Variants in ELFN2 observed in about 807,000 individuals in gnomAD.
ELFN2 encodes the protein protein phosphatase 1 regulatory subunit 29.
Under a neutral mutation model 45.5 loss-of-function variants are expected in ELFN2, and 17 were observed. The ratio of observed to expected loss-of-function variants is 0.37; its 90% CI spans 0.26 to 0.56. The LOEUF (loss-of-function observed/expected upper bound fraction) is 0.56. Ranked by LOEUF, ELFN2 falls within the 20% of genes least tolerant of loss-of-function variation. The pLI is 0.77. For synonymous variants in ELFN2, 550 were observed against 551.5 expected, an observed-to-expected ratio of 1.00 and a Z score of 0.04; for missense variants, 922 against 1,183.2, an observed-to-expected ratio of 0.78 and a Z score of 3.24.
chr22:37,401,836 CGTTT>C (rs1461764781), intron 2 of ELFN2, among the ~76,000 whole-genome samples: 3 of 152,224 alleles, frequency 2.0e-5, no homozygotes, highest in African/African-American at 4.8e-5. Flanking sequence ...CAACACCCTT[CGTTT>C]GTTTAATTTT....
At chr22:37,379,927 GC>G (rs932430784) in intron 2 of ELFN2, among the ~76,000 whole-genome samples, 6 of 152,274 alleles carry the variant, frequency 3.9e-5, no homozygotes, top group African/African-American at 1.4e-4. Context: ...TCCCACCCCT[GC>G]CCCCCCTCGG....
At chr22:37,365,610 G>A (rs145664920), downstream of ELFN2, among the ~76,000 whole-genome samples, 15 of 152,330 alleles carry the variant, frequency 9.8e-5, no homozygotes, top group East Asian at 2.5e-3. Flanking sequence ...GCCCTTGGGC[G>A]AGGCTTGAGA....
At chr22:37,397,596 C>A (rs1327384807) in intron 2 of ELFN2, among the ~76,000 whole-genome samples, 2 of 152,164 alleles carry the variant, frequency 1.3e-5, no homozygotes, top group East Asian at 3.9e-4. Context: ...CTCGCCTAGA[C>A]CCCAAGGTCA....
intron 2 of ELFN2, among the ~76,000 whole-genome samples, chr22:37,401,148 G>A: frequency 6.6e-6 from 1 of 152,236 alleles, no homozygotes; most frequent in African/African-American, 2.4e-5. Context: ...GTCTTCCAGA[G>A]GAAGGGTCAC....
chr22:37,378,044 C>T (rs1306656706), intron 2 of ELFN2, among the ~76,000 whole-genome samples: 1 of 152,222 alleles, frequency 6.6e-6, no homozygotes, highest in Non-Finnish European at 1.5e-5. Flanking sequence ...TGCAGTCCCT[C>T]TTCCTCATCG....
At chr22:37,402,594 C>T (rs1932390925) in intron 2 of ELFN2, among the ~76,000 whole-genome samples, 1 of 146,100 alleles carries the variant, frequency 6.8e-6, no homozygotes, top group African/African-American at 2.6e-5. Context: ...CCACAGTTCC[C>T]AAGGAAGGGG....
At chr22:37,382,023 C>T (rs186634017) in intron 2 of ELFN2, among the ~76,000 whole-genome samples, 196 of 144,702 alleles carry the variant, frequency 1.4e-3, no homozygotes, top group African/African-American at 4.9e-3. Flanking sequence ...GAAGCCCCCC[C>T]TGTGATGGGG....
At chr22:37,416,149 T>C (rs1569144248) in intron 2 of ELFN2, among the ~76,000 whole-genome samples, 1 of 152,164 alleles carries the variant, frequency 6.6e-6, no homozygotes, top group Non-Finnish European at 1.5e-5. Context: ...CAGAGCCAGG[T>C]TGCAAACCCA....
At chr22:37,421,388 G>A (rs1299288159) in intron 1 of ELFN2, among the ~76,000 whole-genome samples, 1 of 152,244 alleles carries the variant, frequency 6.6e-6, no homozygotes, top group African/African-American at 2.4e-5. Flanking sequence ...AAAGCCCAGA[G>A]CAGAAGTTGG....
chr22:37,355,747 C>T (rs1403079653), intron 1 of ELFN2, among the ~76,000 whole-genome samples: 1 of 152,218 alleles, frequency 6.6e-6, no homozygotes, highest in African/African-American at 2.4e-5. Flanking sequence ...TCTCCACTCA[C>T]ACCGAGTGAA....
chr22:37,358,265 T>C (rs188314362), intron 1 of ELFN2, among the ~76,000 whole-genome samples: 1 of 152,148 alleles, frequency 6.6e-6, no homozygotes, highest in Non-Finnish European at 1.5e-5. Context: ...TCCCCCCCAG[T>C]CTCCAGGAAG....
chr22:37,393,076 C>T (rs909039245), intron 2 of ELFN2, among the ~76,000 whole-genome samples: 4 of 152,198 alleles, frequency 2.6e-5, no homozygotes, highest in Non-Finnish European at 4.4e-5. Flanking sequence ...GCCCAGGCCC[C>T]GGGGCTAGCA....
At chr22:37,401,835 T>A (rs570579795) in intron 2 of ELFN2, among the ~76,000 whole-genome samples, 1 of 152,172 alleles carries the variant, frequency 6.6e-6, no homozygotes, top group African/African-American at 2.4e-5. Flanking sequence ...ACAACACCCT[T>A]CGTTTGTTTA....
intron 1 of ELFN2, among the ~76,000 whole-genome samples, chr22:37,360,103 AG>A (rs1931048030): frequency 6.6e-6 from 1 of 152,326 alleles, no homozygotes; most frequent in South Asian, 2.1e-4. Context: ...AGGTGCTTTC[AG>A]GGCCTCTTCC....
chr22:37,366,458 G>A (rs931569926), downstream of ELFN2, among the ~76,000 whole-genome samples: 4 of 152,206 alleles, frequency 2.6e-5, no homozygotes, highest in Admixed American at 6.5e-5. Flanking sequence ...CTCGAGGTTC[G>A]TTGACCCCTT....
Position 37,374,170 on chromosome 22 carries a change from G to A in ELFN2, c.1365C>T (p.Ala455=), listed in dbSNP as rs7292855. 2,660 of 1,613,114 alleles carry A rather than the reference G, an allele frequency of 1.6e-3. 16 individuals are homozygous for A. The African/African-American group carries it at 0.022, about 14-fold the overall frequency. ...CGGGAGGCTCGCCCAGCTTCTGGGCGGCGTGCACAATGGAGCCGGCATCCA... is the reference window on the plus strand; with the variant it reads ...CGGGAGGCTCGCCCAGCTTCTGGGCAGCGTGCACAATGGAGCCGGCATCCA... ...ADVDAGSIVH[A]AQKLGEPPVL... Residue 455 remains alanine, a synonymous_variant, in exon 3 of 3, where the codon GCC becomes GCT. Transcript: ENST00000402918.
intron 2 of ELFN2, among the ~76,000 whole-genome samples, chr22:37,378,331 C>T (rs1931641247): frequency 6.6e-6 from 1 of 152,238 alleles, no homozygotes; most frequent in Admixed American, 6.5e-5. Flanking sequence ...TGTGTGCCTA[C>T]ATGCAACTCC....
At chr22:37,356,481 TG>T (rs1304727870) in intron 1 of ELFN2, among the ~76,000 whole-genome samples, 1 of 152,114 alleles carries the variant, frequency 6.6e-6, no homozygotes, top group Non-Finnish European at 1.5e-5. Context: ...GGGGGCACCT[TG>T]GGGGGAGTCT....
In ELFN2 at chr22:37,372,855, T is replaced by C. The variant is rs1931411679; in HGVS notation, c.*217A>G. ...ATCAGTTTGTAAACTTTAAGGAAAA[T>C]GTGTCTCTGTTTTCCTGTCCGTTAT... On this transcript the variant is annotated 3_prime_UTR_variant, in exon 3 of 3. Coordinates refer to ENST00000402918, the MANE Select transcript of ELFN2 (RefSeq NM_052906.5). This position sits in a 1 kb window ranked among gnomAD's most constrained non-coding sequence, Gnocchi z 4.4. 7.1e-6 allele frequency: 4 copies of C among 562,152 alleles called. No homozygotes were observed. Among genetic ancestry groups the C allele is most frequent in the Non-Finnish European group, 1.2e-5 (4 of 322,828 alleles). 34.8% of individuals were successfully genotyped at this position (562,152 alleles called of 1,614,324 possible).
Sources: gnomAD v4.1 joint callset for allele counts (sites outside exome capture counted in the v4.1 genomes callset) on GRCh38, gnomAD v4.1.1 for gene constraint, Gnocchi (gnomAD v3.1) non-coding constraint, MANE v1.5 for transcripts, NCBI Gene and HGNC (gene_info 2026-07-23, HGNC 2026-07-21) for gene names.